The following COL6A3 variants were observed in gnomAD, a reference collection of about 807,000 sequenced individuals.
The protein encoded by COL6A3 is collagen type VI alpha 3 chain.
In COL6A3, 137 loss-of-function variants were observed where a neutral mutation model predicts 274.1. The ratio of observed to expected loss-of-function variants is 0.50; its 90% confidence interval spans 0.44 to 0.58. The LOEUF (loss-of-function observed/expected upper bound fraction) is 0.58, where lower values mean the gene tolerates loss of function less well. COL6A3 is among the 20% of genes least tolerant of loss of function. The probability of loss-of-function intolerance (pLI) is 0.00; values close to 1 mark genes in which losing one functional copy is unlikely to be tolerated. For synonymous variants in COL6A3, 1,650 were observed against 1,650.6 expected, an observed-to-expected ratio of 1.00 and a Z score of 0.01; for missense variants, 3,950 against 4,124.9, an observed-to-expected ratio of 0.96 and a Z score of 1.16.
chr2:237,355,116 C>G, intron 23 of COL6A3, 182 bp from the exon 24 acceptor site: 1 of 579,400 alleles, frequency 1.7e-6, no homozygotes, highest in Non-Finnish European at 3.1e-6. Context: ...CTCGCACACA[C>G]AGACACCCTT....
intron 17 of COL6A3, among the ~76,000 whole-genome samples, chr2:237,359,635 C>T (rs2077391864): frequency 6.6e-6 from 1 of 152,238 alleles, no homozygotes; most frequent in African/African-American, 2.4e-5. Context: ...GACCCCAAAA[C>T]CCAGGGCAAG....
intron 4 of COL6A3, among the ~76,000 whole-genome samples, chr2:237,385,868 C>T (rs2106376097): frequency 6.6e-6 from 1 of 152,306 alleles, no homozygotes; most frequent in East Asian, 1.9e-4. Flanking sequence ...TCTATTAGCT[C>T]ATCTGGAGGA....
Position 237,340,923 on chromosome 2 carries a change from C to A in COL6A3, c.7993G>T (p.Ala2665Ser), listed in dbSNP as rs1559201034. 1.9e-6 allele frequency: 3 copies of A among 1,613,104 alleles called. No individual in the cohort carries two copies. In the African/African-American group the frequency reaches 4.0e-5, roughly 22 times the overall value. Residue 2665 changes from alanine (A) to serine (S), a missense_variant, in exon 38 of 44, where the codon GCA (alanine) becomes TCA (serine). By Grantham distance (99) the Ala-to-Ser change is moderately conservative. Transcript: ENST00000295550. ...TCAGAGGGCGCGTGCTGCACAACTG[C>A]CACTCTGGCGAAGTGCTGGGAGGCC... is the stretch of plus-strand genomic sequence containing the variant. ...PKASQHFARVAVVQHAPSESV... is the reference protein window; with the variant it reads ...PKASQHFARVSVVQHAPSESV...
intron 36 of COL6A3, chr2:237,342,541 G>A: frequency 3.9e-6 from 1 of 253,332 alleles, no homozygotes; most frequent in African/African-American, 2.2e-5. Flanking sequence ...GCAACAATAT[G>A]GGAGCTCCAT....
chr2:237,343,210 T>C (rs1272549551), intron 36 of COL6A3: 2 of 152,004 alleles, frequency 1.3e-5, no homozygotes, highest in Non-Finnish European at 2.9e-5. Flanking sequence ...AGAATTAAAC[T>C]AGTTGTCTGG....
intron 5 of COL6A3, 132 bp from the exon 6 acceptor site, chr2:237,379,367 C>A: frequency 8.8e-7 from 1 of 1,141,392 alleles, no homozygotes; most frequent in Non-Finnish European, 1.3e-6. Context: ...GCATGTCCAT[C>A]TTGTAAAATA....
rs1700542377 is a variant in COL6A3, at chr2:237,336,304, G to C, written c.8796C>G (p.Pro2932=). The C allele has an allele frequency of 6.2e-7, 1 of 1,613,286 alleles. No homozygotes were observed. The highest frequency in any genetic ancestry group is 1.1e-5 in the South Asian group (1 of 91,030). The change falls in exon 40 of 44, where the codon CCC becomes CCG. Residue 2932 remains proline (P), a synonymous_variant. Coordinates refer to ENST00000295550, the MANE Select transcript of COL6A3 (RefSeq NM_004369.4). ...CCGTTGCTGGCTTCACCGCCACTGG[G>C]GGTCTAACAGTGGCCATCTTTGTGG... ...PVATKMATVR[P]PVAVKPATAA... is the part of the protein sequence containing the mutation.
chr2:237,352,611 T>G (rs1028805039), intron 25 of COL6A3, 27 bp from the exon 26 acceptor site: 1 of 1,606,148 alleles, frequency 6.2e-7, no homozygotes, highest in East Asian at 2.2e-5. Context: ...CCATCGTGAG[T>G]GCTAATGAGG....
rs1428821991 is a variant in COL6A3 at position 237,371,897 on chromosome 2, C to A, written c.4120G>T (p.Asp1374Tyr). The A allele has an allele frequency of 6.2e-7, 1 of 1,613,968 alleles. No homozygotes were observed. The highest frequency in any genetic ancestry group is 1.1e-5 in the South Asian group (1 of 91,060). ...GAGATCTTCACCAGCTCCTCCTGGT[C>A]TGCGTTCCTGGCGATCGTGAAAGGG... ...VAPFTIARNA[D>Y]QEELVKISLS... The change falls in exon 9 of 44, where the codon GAC (aspartate) becomes TAC (tyrosine). Residue 1374 changes from aspartate (D) to tyrosine (Y), a missense_variant. By Grantham distance (160) the Asp-to-Tyr change is radical (BLOSUM62 -3). Transcript: ENST00000295550. The surrounding 1 kb of genome is among the most constrained non-coding windows in gnomAD (Gnocchi z 4.3).
chr2:237,361,902 T>C lies in COL6A3; in HGVS notation c.6064-71A>G, dbSNP rs3736341. On this transcript the variant is annotated intron_variant, in intron 14 of 43. Coordinates refer to ENST00000295550, the MANE Select transcript of COL6A3 (RefSeq NM_004369.4). This position sits in a 1 kb window ranked among gnomAD's most constrained non-coding sequence, Gnocchi z 5.1. ...CCAGCAGAAAATCATAAATGCGCTT[T>C]AAGGGTCAAAATCGGATGTGTGGGG... is the stretch of plus-strand genomic sequence containing the variant. 66,909 of 1,345,092 alleles carry C rather than the reference T, an allele frequency of 0.05. 4,620 individuals carry two copies. Among genetic ancestry groups the C allele is most frequent in the East Asian group, 0.26 (11,420 of 43,534 alleles). 83.3% of individuals were successfully genotyped at this position (1,345,092 alleles called of 1,614,324 possible). A position where few individuals can be genotyped will look rare whatever the true frequency, so the allele number is the denominator to read the frequency against.
intron 1 of COL6A3, among the ~76,000 whole-genome samples, chr2:237,399,153 C>A (rs2078526657): frequency 6.6e-6 from 1 of 152,118 alleles, no homozygotes; most frequent in African/African-American, 2.4e-5. Context: ...CATGAAAACC[C>A]CACGATTCCA....
chr2:237,381,656 C>T (rs1412357194), intron 4 of COL6A3, among the ~76,000 whole-genome samples, 157 bp from the exon 5 acceptor site: 1 of 152,228 alleles, frequency 6.6e-6, no homozygotes, highest in East Asian at 1.9e-4. Context: ...CTAATGAACA[C>T]ATAAGTTATG....
chr2:237,364,848 T>G lies in COL6A3; in HGVS notation c.5839-420A>C, dbSNP rs2077514976. 6.7e-6 allele frequency among the ~76,000 whole-genome samples: 1 copy of G among 149,188 alleles called. No individual in the cohort carries two copies. Among genetic ancestry groups the G allele is most frequent in the Non-Finnish European group, 1.5e-5 (1 of 67,238 alleles). ...GCATGTGTGGGTGTGTGGGTGTACATGTGTGTGGGTGCGTATGTGTGTGCA... is the reference window on the plus strand; with the variant it reads ...GCATGTGTGGGTGTGTGGGTGTACAGGTGTGTGGGTGCGTATGTGTGTGCA... On this transcript the variant is annotated intron_variant, in intron 12 of 43. Transcript: ENST00000295550. The surrounding 1 kb of genome is among the most constrained non-coding windows in gnomAD (Gnocchi z 4.6).
intron 1 of COL6A3, among the ~76,000 whole-genome samples, chr2:237,397,431 G>A (rs923745448): frequency 6.8e-5 from 9 of 133,116 alleles, no homozygotes; most frequent in African/African-American, 2.5e-4. Context: ...AAGAAAGAGA[G>A]AAGGAAAGAA....
Position 237,368,657 on chromosome 2 carries a change from A to T in COL6A3, c.4806T>A (p.Leu1602=). The change falls in exon 10 of 44, where the codon CTT becomes CTA. Residue 1602 remains leucine (L), a synonymous_variant. Transcript: ENST00000295550. This position sits in a 1 kb window ranked among gnomAD's most constrained non-coding sequence, Gnocchi z 4.4. ...LVFTVREFRE[L]PNIEERIMNS... is the part of the protein sequence containing the mutation. The stretch of plus-strand genomic sequence containing the variant: ...TCATGATTCTTTCTTCTATGTTGGG[A>T]AGCTCTCTGAACTCTCGCACTGTGA... 2 of 1,614,016 alleles carry T rather than the reference A, an allele frequency of 1.2e-6. No individual in the cohort carries two copies. The highest frequency in any genetic ancestry group is 1.7e-6 in the Non-Finnish European group (2 of 1,179,992).
chr2:237,357,309 G>A (rs550616320), intron 23 of COL6A3, 29 bp downstream of exon 23: 2 of 1,607,228 alleles, frequency 1.2e-6, no homozygotes, highest in East Asian at 4.5e-5. Context: ...AATTGTCACA[G>A]AGCCCCCCAA....
intron 1 of COL6A3, among the ~76,000 whole-genome samples, chr2:237,408,222 A>G (rs2078768062): frequency 6.6e-6 from 1 of 152,050 alleles, no homozygotes; most frequent in Middle Eastern, 3.2e-3. Flanking sequence ...TTATTGCAGT[A>G]ACCTGGGAAA....
At chr2:237,350,891 A>C (rs1044286228) in intron 27 of COL6A3, among the ~76,000 whole-genome samples, 7 of 152,256 alleles carry the variant, frequency 4.6e-5, no homozygotes, top group African/African-American at 1.7e-4. Flanking sequence ...GGCTGTGGCC[A>C]GGAGAAAGCC....
At chr2:237,360,800 T>G (rs2077419119) in intron 16 of COL6A3, among the ~76,000 whole-genome samples, 1 of 151,990 alleles carries the variant, frequency 6.6e-6, no homozygotes, top group Middle Eastern at 3.2e-3. Flanking sequence ...GCCCCTCAGC[T>G]CACTCCCATC....
Sources: allele counts gnomAD v4.1 joint callset (sites outside exome capture counted in the v4.1 genomes callset), GRCh38; gene constraint gnomAD v4.1.1; non-coding constraint Gnocchi (gnomAD v3.1); transcripts MANE v1.5; gene names NCBI Gene and HGNC (gene_info 2026-07-23, HGNC 2026-07-21).